Variants in PDE1A observed in about 807,000 individuals in gnomAD.
The protein encoded by PDE1A is dual specificity calcium/calmodulin-dependent 3',5'-cyclic nucleotide phosphodiesterase 1A.
In PDE1A, 35 loss-of-function variants were observed where a neutral mutation model predicts 61.7. The observed-to-expected ratio is 0.57, with a 90% CI of 0.43 to 0.75. PDE1A has a LOEUF of 0.75. Ranked by LOEUF, PDE1A falls within the 30% of genes least tolerant of loss-of-function variation. PDE1A has a pLI of 0.00. For synonymous variants in PDE1A, 232 were observed against 213.2 expected, an observed-to-expected ratio of 1.09 and a Z score of -0.77; for missense variants, 597 against 630.6, an observed-to-expected ratio of 0.95 and a Z score of 0.57.
At chr2:182,264,273 G>T (rs907079413) in intron 2 of PDE1A, 28 bp downstream of exon 2, 2 of 1,437,310 alleles carry the variant, frequency 1.4e-6, no homozygotes, top group Non-Finnish European at 1.9e-6. Context: ...AATCAAAGAA[G>T]ATAAAAGAGA....
chr2:182,542,146 C>T, the PDE1A span, among the ~76,000 whole-genome samples: 2 of 151,952 alleles, frequency 1.3e-5, no homozygotes, highest in Non-Finnish European at 2.9e-5. Flanking sequence ...TCAAGCATTG[C>T]CTTTTCAAAT....
chr2:182,688,889 A>C, the PDE1A span, among the ~76,000 whole-genome samples: 1 of 152,222 alleles, frequency 6.6e-6, no homozygotes, highest in African/African-American at 2.4e-5. Context: ...CTAGTCTCTA[A>C]CAAAACAGAC....
chr2:182,224,489 T>C (rs1688981976), intron 6 of PDE1A, among the ~76,000 whole-genome samples: 1 of 151,892 alleles, frequency 6.6e-6, no homozygotes, highest in Non-Finnish European at 1.5e-5. Flanking sequence ...TTTCTATTCA[T>C]AACACATAAA....
chr2:182,511,227 C>G (rs79602239), intron 2 of PDE1A, among the ~76,000 whole-genome samples: 1 of 151,472 alleles, frequency 6.6e-6, no homozygotes, highest in Non-Finnish European at 1.5e-5. Flanking sequence ...GCCAGGAAAA[C>G]CTTCTCTCAC....
At chr2:182,552,188 A>G in the PDE1A span, among the ~76,000 whole-genome samples, 1 of 152,238 alleles carries the variant, frequency 6.6e-6, no homozygotes, top group Non-Finnish European at 1.5e-5. Flanking sequence ...GGGCCTGAGT[A>G]TCACTTCAGT....
chr2:182,560,949 G>C, the PDE1A span, among the ~76,000 whole-genome samples: 1 of 151,830 alleles, frequency 6.6e-6, no homozygotes, highest in Non-Finnish European at 1.5e-5. Context: ...GTAGATTCTG[G>C]ATATTAGCCC....
chr2:182,701,436 A>G, the PDE1A span, among the ~76,000 whole-genome samples: 2 of 148,566 alleles, frequency 1.3e-5, no homozygotes, highest in African/African-American at 4.9e-5. Flanking sequence ...GCTGGAGTGC[A>G]GTGGTGCCAT....
intron 7 of PDE1A, among the ~76,000 whole-genome samples, chr2:182,220,118 A>C (rs1688596320): frequency 6.6e-6 from 1 of 152,002 alleles, no homozygotes; most frequent in Admixed American, 6.6e-5. Flanking sequence ...ATATGTCTTT[A>C]ATAGCACATA....
chr2:182,299,793 T>C (rs1695119614), intron 1 of PDE1A, among the ~76,000 whole-genome samples: 1 of 152,168 alleles, frequency 6.6e-6, no homozygotes, highest in African/African-American at 2.4e-5. Flanking sequence ...CAATGTGTTC[T>C]TGATTATACA....
chr2:182,421,999 A>T (rs1252100429), intron 1 of PDE1A, among the ~76,000 whole-genome samples: 1 of 152,220 alleles, frequency 6.6e-6, no homozygotes, highest in African/African-American at 2.4e-5. Context: ...GCTAACAGAT[A>T]CTTGCGAAAA....
In PDE1A at chr2:182,217,845, G is replaced by A. The variant is rs190578009; in HGVS notation, c.776+6019C>T. Among the ~76,000 whole-genome samples the A allele has an allele frequency of 5.4e-3, 828 of 151,942 alleles. 10 individuals are homozygous for A. Among genetic ancestry groups the A allele is most frequent in the African/African-American group, 0.018 (753 of 41,298 alleles). ...GGGACTGTAAACTAGTTCAACCATT[G>A]TGGAATTCAGTGTGGAGATTCCTCA... is the stretch of plus-strand genomic sequence containing the variant. On this transcript the variant is annotated intron_variant, in intron 7 of 13. Transcript: ENST00000351439.
chr2:182,600,992 T>TA, the PDE1A span, among the ~76,000 whole-genome samples: 1 of 152,214 alleles, frequency 6.6e-6, no homozygotes, highest in Non-Finnish European at 1.5e-5. Context: ...TGCTAAATAA[T>TA]AAAAGAATAT....
At chr2:182,485,067 A>G (rs1687931161) in intron 2 of PDE1A, among the ~76,000 whole-genome samples, 1 of 152,032 alleles carries the variant, frequency 6.6e-6, no homozygotes, top group African/African-American at 2.4e-5. Context: ...CTGGCAAGCA[A>G]ATGTTCACTG....
intron 1 of PDE1A, among the ~76,000 whole-genome samples, chr2:182,310,452 CT>C (rs1202031933): frequency 6.6e-6 from 1 of 151,888 alleles, no homozygotes; most frequent in South Asian, 2.1e-4. Flanking sequence ...ATTGTAGCAA[CT>C]TTTTTTTCAG....
At chr2:182,208,937 ACTTGC>A (rs1366742983) in intron 7 of PDE1A, among the ~76,000 whole-genome samples, 2 of 152,136 alleles carry the variant, frequency 1.3e-5, no homozygotes, top group Non-Finnish European at 2.9e-5. Context: ...GGTGGAAGGG[ACTTGC>A]CTTGTCTCAC....
chr2:182,233,254 C>A (rs1689727799), intron 4 of PDE1A, among the ~76,000 whole-genome samples: 1 of 152,080 alleles, frequency 6.6e-6, no homozygotes, highest in African/African-American at 2.4e-5. Flanking sequence ...TATTTTGGCA[C>A]CAGGGACTAG....
At position 182,241,856 on chromosome 2, in the gene PDE1A, C is replaced by T. The variant is rs1488255809; in HGVS notation, c.168-1564G>A. The T allele has an allele frequency of 1.9e-6, 3 of 1,548,032 alleles. No individual in the cohort carries two copies. In the Admixed American group the frequency reaches 5.7e-5, roughly 29 times the overall value. On this transcript the variant is annotated intron_variant, in intron 2 of 13. Coordinates refer to ENST00000351439, the Ensembl canonical transcript of PDE1A. ...CTGACATTTGGATGGTTTTGATTTA[C>T]CCCTAAAACACTGAACTAGAAAATT... is the stretch of plus-strand genomic sequence containing the variant.
At chr2:182,454,807 AT>A (rs1480018970) in intron 2 of PDE1A, among the ~76,000 whole-genome samples, 1 of 151,968 alleles carries the variant, frequency 6.6e-6, no homozygotes, top group Admixed American at 6.6e-5. Flanking sequence ...ACCTAAAACC[AT>A]AAAAACCCAG....
the PDE1A span, among the ~76,000 whole-genome samples, chr2:182,624,200 TGCCTG>T: frequency 6.6e-6 from 1 of 151,036 alleles, no homozygotes; most frequent in South Asian, 2.1e-4. Flanking sequence ...AAAAGATAAA[TGCCTG>T]CTCAATATCA....
Sources: gnomAD v4.1 joint callset for allele counts (sites outside exome capture counted in the v4.1 genomes callset) on GRCh38, gnomAD v4.1.1 for gene constraint, MANE v1.5 for transcripts, NCBI Gene and HGNC (gene_info 2026-07-23, HGNC 2026-07-21) for gene names.